The following TBC1D30 variants were observed in gnomAD, a reference collection of about 807,000 sequenced individuals.
The protein encoded by TBC1D30 is TBC1 domain family, member 30.
TBC1D30 carries 31 observed loss-of-function variants against 63.2 expected under a neutral mutation model. That is an observed-to-expected ratio of 0.49 (90% CI 0.37 to 0.66). TBC1D30 has a LOEUF of 0.66. Among genes scored for constraint, TBC1D30 ranks in the 30% least tolerant of loss-of-function variants. TBC1D30 has a pLI of 0.00. For synonymous variants in TBC1D30, 307 were observed against 361.5 expected (o/e 0.85, Z 1.71); for missense variants, 810 against 953.6 (o/e 0.85, Z 1.98).
chr12:64,778,422 A>G (rs75440496), upstream of TBC1D30, among the ~76,000 whole-genome samples: 6,202 of 152,116 alleles, frequency 0.041, 426 homozygotes, highest in African/African-American at 0.14. Flanking sequence ...AGTAGATTAT[A>G]TACTGTAGTA....
At chr12:64,853,403 C>T (rs1381739514) in intron 8 of TBC1D30, among the ~76,000 whole-genome samples, 1 of 152,204 alleles carries the variant, frequency 6.6e-6, no homozygotes, top group Non-Finnish European at 1.5e-5. Context: ...AATTTCAAGC[C>T]AGTGGATCTT....
intron 5 of TBC1D30, among the ~76,000 whole-genome samples, chr12:64,835,295 C>T (rs1281606773): frequency 6.6e-6 from 1 of 151,968 alleles, no homozygotes; most frequent in African/African-American, 2.4e-5. Flanking sequence ...CCTACTGACT[C>T]GTTCAAAACT....
chr12:64,872,501 T>C (rs1018320743), intron 11 of TBC1D30, among the ~76,000 whole-genome samples: 2 of 152,200 alleles, frequency 1.3e-5, no homozygotes, highest in African/African-American at 4.8e-5. Context: ...GAGAGATTGC[T>C]GCTCAAAGGC....
intron 10 of TBC1D30, among the ~76,000 whole-genome samples, 175 bp from the exon 11 acceptor site, chr12:64,870,427 T>C (rs1027370697): frequency 1.3e-5 from 2 of 152,124 alleles, no homozygotes; most frequent in Non-Finnish European, 2.9e-5. Flanking sequence ...AATGCAGAAA[T>C]ATTTTCAGGG....
upstream of TBC1D30, among the ~76,000 whole-genome samples, chr12:64,823,585 C>A (rs1874025538): frequency 6.6e-6 from 1 of 152,146 alleles, no homozygotes. Context: ...CCTTGACTTC[C>A]CAAAGTGCTA....
At chr12:64,860,143 A>G (rs1473149837) in intron 8 of TBC1D30, among the ~76,000 whole-genome samples, 3 of 151,526 alleles carry the variant, frequency 2.0e-5, no homozygotes, top group Non-Finnish European at 2.9e-5. Context: ...TCAGCCCCCC[A>G]AGTAACTGAG....
chr12:64,782,956 C>T (rs1298341040), intron 1 of TBC1D30, among the ~76,000 whole-genome samples: 2 of 152,170 alleles, frequency 1.3e-5, no homozygotes, highest in South Asian at 2.1e-4. Flanking sequence ...TAACATCATT[C>T]GCGTGCTAAG....
At chr12:64,810,630 A>C (rs959927611) in intron 2 of TBC1D30, among the ~76,000 whole-genome samples, 71 of 151,988 alleles carry the variant, frequency 4.7e-4, no homozygotes, top group Non-Finnish European at 8.2e-4. Context: ...CAAAAAAAAA[A>C]CCCCGAAGTA....
intron 1 of TBC1D30, chr12:64,781,317 G>C: frequency 1.8e-6 from 2 of 1,081,478 alleles, no homozygotes; most frequent in African/African-American, 3.4e-5. Flanking sequence ...GGTCCCGGGG[G>C]CTTCCTGGAG....
Position 64,824,967 on chromosome 12 carries a change from A to G in TBC1D30, c.88A>G (p.Asn30Asp). 1 of 1,534,708 alleles carries G rather than the reference A, an allele frequency of 6.5e-7. No homozygotes were observed. The highest frequency in any genetic ancestry group is 8.7e-7 in the Non-Finnish European group (1 of 1,146,568). Residue 30 changes from asparagine (N) to aspartate (D), a missense_variant, in exon 1 of 12, where the codon AAT becomes GAT. Transcript: ENST00000539867. ...CGGCGGCGTGGGCACCATCCTGAGC[A>G]ATGTGCTCAAGAAGCGCAGCTGCAT... The part of the protein sequence containing the change: ...QGGGVGTILS[N>D]VLKKRSCISR...
rs144458090 is a variant in TBC1D30 at position 64,851,830 on chromosome 12, G to A, written c.1038+8345G>A. On this transcript the variant is annotated intron_variant, in intron 8 of 11. Coordinates refer to ENST00000539867, the MANE Select transcript of TBC1D30 (RefSeq NM_015279.2). ...CTGGGCTGAATATTCTTTTCTTTAA[G>A]AAAATTGAATATTGGCCTTCACTCT... is the stretch of plus-strand genomic sequence containing the variant. Among the ~76,000 whole-genome samples the A allele has an allele frequency of 7.4e-3, 1,127 of 152,298 alleles. 4 individuals carry two copies. The highest frequency in any genetic ancestry group is 0.012 in the Non-Finnish European group (838 of 68,036).
chr12:64,837,881 AG>A (rs1285872643), intron 6 of TBC1D30, among the ~76,000 whole-genome samples: 39 of 152,170 alleles, frequency 2.6e-4, no homozygotes, highest in Admixed American at 6.5e-4. Flanking sequence ...CTCAGATTCT[AG>A]TCTCTGAACA....
chr12:64,769,086 A>G (rs554776548), intron 1 of TBC1D30, among the ~76,000 whole-genome samples: 7 of 152,200 alleles, frequency 4.6e-5, no homozygotes, highest in Admixed American at 3.9e-4. Flanking sequence ...TGTGCCCAGG[A>G]GGTTGAGGCT....
At chr12:64,864,612 A>G in intron 8 of TBC1D30, 56 bp from the exon 9 acceptor site, 1 of 1,172,508 alleles carries the variant, frequency 8.5e-7, no homozygotes, top group Non-Finnish European at 1.2e-6. Context: ...TCCAGGATTG[A>G]TAAGAGTTGT....
At chr12:64,874,394 A>C (rs1878884367) in intron 11 of TBC1D30, among the ~76,000 whole-genome samples, 1 of 152,200 alleles carries the variant, frequency 6.6e-6, no homozygotes, top group South Asian at 2.1e-4. Flanking sequence ...AGCTGAGGAC[A>C]AAGCTTTTGG....
At chr12:64,818,205 C>A (rs1592585524) in intron 2 of TBC1D30, among the ~76,000 whole-genome samples, 1 of 152,110 alleles carries the variant, frequency 6.6e-6, no homozygotes, top group Non-Finnish European at 1.5e-5. Flanking sequence ...TGATGTGGAA[C>A]TAAAGAGCTG....
intron 3 of TBC1D30, 94 bp downstream of exon 3, chr12:64,828,603 T>C: frequency 1.2e-6 from 1 of 806,168 alleles, no homozygotes; most frequent in Non-Finnish European, 2.0e-6. Flanking sequence ...TAGGTTTAGT[T>C]ACTTGAAAAC....
chr12:64,811,064 T>G (rs1873187525), intron 2 of TBC1D30, among the ~76,000 whole-genome samples: 1 of 152,212 alleles, frequency 6.6e-6, no homozygotes, highest in Admixed American at 6.5e-5. Context: ...TCATTTGGAA[T>G]CAAGTTGTAT....
rs1421788558 is a variant in TBC1D30 at position 64,780,944 on chromosome 12, CG to C, written c.140del (p.Gly47GlufsTer36). 1 of 1,055,120 alleles carries C rather than the reference CG, an allele frequency of 9.5e-7. No homozygotes were observed. The highest frequency in any genetic ancestry group is 1.2e-6 in the Non-Finnish European group (1 of 866,050). 65.4% of individuals were successfully genotyped at this position (1,055,120 alleles called of 1,614,324 possible). On this transcript the variant is annotated frameshift_variant, in exon 1 of 13. Coordinates refer to the TBC1D30 transcript ENST00000542120. LOFTEE classifies it high-confidence loss of function. ...TGCAGCTCCCCCAGCCCCGCGCCTC[CG>C]GGGAGCGGCGGAGCGGCCGCGGCGC...
Sources: gnomAD v4.1 joint callset for allele counts (sites outside exome capture counted in the v4.1 genomes callset) on GRCh38, gnomAD v4.1.1 for gene constraint, MANE v1.5 for transcripts, NCBI Gene and HGNC (gene_info 2026-07-23, HGNC 2026-07-21) for gene names.